Variants in CHCHD6 observed in about 807,000 individuals in gnomAD.
CHCHD6 encodes coiled-coil-helix-coiled-coil-helix domain containing 6.
In CHCHD6, 28 loss-of-function variants were observed where a neutral mutation model predicts 32.3. The observed-to-expected ratio is 0.87, with a 90% CI of 0.64 to 1.19. CHCHD6 has a LOEUF of 1.19. Among genes scored for constraint, CHCHD6 ranks in the 50% most tolerant of loss-of-function variants. The probability of loss-of-function intolerance (pLI) is 0.00; values close to 1 mark genes in which losing one functional copy is unlikely to be tolerated. For missense variants in CHCHD6, 333 were observed against 307.0 expected, an observed-to-expected ratio of 1.08 and a Z score of -0.63; for synonymous variants, 122 against 117.5, an observed-to-expected ratio of 1.04 and a Z score of -0.25.
chr3:126,894,802 C>T (rs2077813828), intron 5 of CHCHD6, among the ~76,000 whole-genome samples: 1 of 152,342 alleles, frequency 6.6e-6, no homozygotes, highest in South Asian at 2.1e-4. Flanking sequence ...GTCCTTCCAG[C>T]ATGTGCGACA....
At chr3:126,929,940 A>G (rs2078379696) in intron 6 of CHCHD6, among the ~76,000 whole-genome samples, 1 of 152,228 alleles carries the variant, frequency 6.6e-6, no homozygotes, top group South Asian at 2.1e-4. Context: ...TAAGTTGTAC[A>G]AAAATGAGGA....
intron 5 of CHCHD6, among the ~76,000 whole-genome samples, chr3:126,868,026 C>T (rs1435520973): frequency 1.3e-5 from 2 of 152,244 alleles, no homozygotes; most frequent in African/African-American, 2.4e-5. Context: ...TCACACCTGG[C>T]ATGCAGTCCA....
At chr3:126,766,626 G>A (rs1937380447) in intron 4 of CHCHD6, 8 of 1,037,960 alleles carry the variant, frequency 7.7e-6, no homozygotes, top group Non-Finnish European at 1.1e-5. Flanking sequence ...TTCCCCGAAG[G>A]TCGGTGATGG....
intron 5 of CHCHD6, among the ~76,000 whole-genome samples, chr3:126,869,846 T>G (rs975746893): frequency 6.6e-6 from 1 of 152,236 alleles, no homozygotes; most frequent in Admixed American, 6.5e-5. Context: ...GGACAAAAAA[T>G]TGTGTTTTGG....
chr3:126,745,333 C>T (rs760570466), intron 4 of CHCHD6, among the ~76,000 whole-genome samples: 5 of 152,148 alleles, frequency 3.3e-5, no homozygotes, highest in Non-Finnish European at 7.3e-5. Context: ...TCTCTGTGAC[C>T]CTGGACCCAT....
rs569211428 is a variant in CHCHD6 at position 126,821,403 on chromosome 3, C to T, written c.412-31244C>T. Among the ~76,000 whole-genome samples, 4 of 152,262 alleles carry T rather than the reference C, an allele frequency of 2.6e-5. No individual in the cohort carries two copies. The South Asian group carries it at 6.2e-4, about 24-fold the overall frequency. On this transcript the variant is annotated intron_variant, in intron 4 of 7. Transcript: ENST00000290913. Reference sequence around the variant, plus strand: ...CTGCCTCCTGGGTTCAAGCAATTCTCCTGCCTTACTGAGCCTCCCGAGTAG... The same window carrying T: ...CTGCCTCCTGGGTTCAAGCAATTCTTCTGCCTTACTGAGCCTCCCGAGTAG...
At chr3:126,727,256 C>A in intron 2 of CHCHD6, 70 bp downstream of exon 2, 1 of 1,112,038 alleles carries the variant, frequency 9.0e-7, no homozygotes, top group Non-Finnish European at 1.3e-6. Context: ...CTCACCCGAG[C>A]CCACCTGATG....
intron 5 of CHCHD6, among the ~76,000 whole-genome samples, chr3:126,910,381 C>T (rs192022137): frequency 6.6e-6 from 1 of 152,186 alleles, no homozygotes; most frequent in African/African-American, 2.4e-5. Flanking sequence ...GCTTTTGAGC[C>T]TGCAGCTGGC....
intron 4 of CHCHD6, among the ~76,000 whole-genome samples, chr3:126,835,353 C>T (rs1417744798): frequency 2.0e-5 from 3 of 152,196 alleles, no homozygotes; most frequent in Non-Finnish European, 4.4e-5. Flanking sequence ...GTGACAGTGG[C>T]CAGGCAGCTT....
intron 4 of CHCHD6, among the ~76,000 whole-genome samples, chr3:126,764,160 T>C (rs1054898729): frequency 6.1e-5 from 9 of 147,718 alleles, no homozygotes; most frequent in African/African-American, 2.0e-4. Context: ...GAAATATATA[T>C]ATACACACAC....
chr3:126,752,493 C>T (rs983221593), intron 4 of CHCHD6, among the ~76,000 whole-genome samples: 2 of 152,184 alleles, frequency 1.3e-5, no homozygotes, highest in African/African-American at 4.8e-5. Context: ...CCCCTTCCCC[C>T]GATGTCATCC....
At chr3:126,954,000 C>T (rs770068481) in intron 6 of CHCHD6, among the ~76,000 whole-genome samples, 5 of 152,130 alleles carry the variant, frequency 3.3e-5, no homozygotes, top group Non-Finnish European at 5.9e-5. Flanking sequence ...ATGGCTTCAC[C>T]GAAGGCCTAG....
At position 126,914,688 on chromosome 3, in the gene CHCHD6, G is replaced by C. The variant is rs1264635914; in HGVS notation, c.504G>C (p.Glu168Asp). ...TGTTTTTCTCCTTGTAGAATGCTGA[G>C]ATGTATAAACTGTCTTCAGAGCAAT... is the stretch of plus-strand genomic sequence containing the variant. ...QLERIERKNA[E>D]MYKLSSEQFH... The change falls in exon 6 of 8, where the codon GAG becomes GAC. Residue 168 changes from glutamate (E) to aspartate (D), a missense_variant. Physicochemically the swap from Glu to Asp is conservative, Grantham distance 45. Transcript: ENST00000290913. 2 of 1,581,544 alleles carry C rather than the reference G, an allele frequency of 1.3e-6. No individual in the cohort carries two copies. Among genetic ancestry groups the C allele is most frequent in the East Asian group, 4.5e-5 (2 of 44,756 alleles).
At chr3:126,873,879 G>T (rs760501387) in intron 5 of CHCHD6, among the ~76,000 whole-genome samples, 1 of 152,208 alleles carries the variant, frequency 6.6e-6, no homozygotes, top group Admixed American at 6.5e-5. Context: ...CTTGCTCAAG[G>T]CCACACAGCT....
intron 5 of CHCHD6, among the ~76,000 whole-genome samples, chr3:126,862,305 TACCATC>T (rs1941940381): frequency 6.0e-5 from 1 of 16,664 alleles, no homozygotes; most frequent in Non-Finnish European, 1.3e-4. Context: ...CCTCCTCCTC[TACCATC>T]ATCACCTCCT....
intron 4 of CHCHD6, among the ~76,000 whole-genome samples, chr3:126,735,676 C>T (rs1304727904): frequency 6.6e-6 from 1 of 152,166 alleles, no homozygotes; most frequent in South Asian, 2.1e-4. Flanking sequence ...GATGGGAGTT[C>T]CTCATTGTCT....
chr3:126,745,280 G>A (rs988649442), intron 4 of CHCHD6, among the ~76,000 whole-genome samples: 1 of 152,194 alleles, frequency 6.6e-6, no homozygotes, highest in African/African-American at 2.4e-5. Flanking sequence ...GAAGCCCAGC[G>A]TCCGGACTCT....
chr3:126,930,381 G>A (rs1292526684), intron 6 of CHCHD6, among the ~76,000 whole-genome samples: 8 of 152,152 alleles, frequency 5.3e-5, no homozygotes, highest in African/African-American at 1.4e-4. Context: ...AAGGTGACCC[G>A]CAGTAGCTTG....
At chr3:126,766,686 A>G in intron 4 of CHCHD6, 1 of 1,107,144 alleles carries the variant, frequency 9.0e-7, no homozygotes, top group East Asian at 2.4e-5. Flanking sequence ...TGCTCTTCCC[A>G]CAAGCCAGGC....
Sources: gnomAD v4.1 joint callset for allele counts (sites outside exome capture counted in the v4.1 genomes callset) on GRCh38, gnomAD v4.1.1 for gene constraint, MANE v1.5 for transcripts, NCBI Gene and HGNC (gene_info 2026-07-23, HGNC 2026-07-21) for gene names.